TAF3: variants seen among roughly 807,000 people sequenced by gnomAD.
The protein encoded by TAF3 is TATA-box binding protein associated factor 3.
In TAF3, 7 loss-of-function variants were observed where a neutral mutation model predicts 80.6. The ratio of observed to expected loss-of-function variants is 0.09; its 90% CI spans 0.05 to 0.16. The LOEUF (loss-of-function observed/expected upper bound fraction) is 0.16. Ranked by LOEUF, TAF3 falls within the 10% of genes least tolerant of loss-of-function variation. The probability of loss-of-function intolerance (pLI) is 1.00; values close to 1 mark genes in which losing one functional copy is unlikely to be tolerated. For synonymous variants in TAF3, 444 were observed against 446.1 expected, an observed-to-expected ratio of 1.00 and a Z score of 0.06; for missense variants, 921 against 1,140.2, an observed-to-expected ratio of 0.81 and a Z score of 2.77.
chr10:7,841,878 A>AT (rs574680481), intron 2 of TAF3, among the ~76,000 whole-genome samples: 198 of 152,082 alleles, frequency 1.3e-3, no homozygotes, highest in African/African-American at 4.5e-3. Context: ...CTTTTTATTT[A>AT]TTTTTTTTAA....
Position 8,013,647 on chromosome 10 carries a change from A to G in TAF3, c.2569-84A>G, listed in dbSNP as rs533955205. Reference sequence around the variant, plus strand: ...TATGCCTGTTTATTCGGTTAACAGTATAAAGTAATCATTCTGATCTGGCCT... The same window carrying G: ...TATGCCTGTTTATTCGGTTAACAGTGTAAAGTAATCATTCTGATCTGGCCT... On this transcript the variant is annotated intron_variant, in intron 5 of 6. Coordinates refer to ENST00000344293, the MANE Select transcript of TAF3 (RefSeq NM_031923.4). 1.0e-5 allele frequency: 11 copies of G among 1,081,850 alleles called. No homozygotes were observed. In the South Asian group the frequency reaches 1.3e-4, roughly 13 times the overall value. 67.0% of individuals were successfully genotyped at this position (1,081,850 alleles called of 1,614,324 possible). A position where few individuals can be genotyped will look rare whatever the true frequency, so the allele number is the denominator to read the frequency against.
intron 2 of TAF3, among the ~76,000 whole-genome samples, chr10:7,873,888 A>T (rs953541315): frequency 2.0e-5 from 3 of 152,182 alleles, no homozygotes; most frequent in Non-Finnish European, 4.4e-5. Context: ...TTCTGTTGGC[A>T]CATTTGTATT....
At chr10:7,960,085 T>C (rs10795582) in intron 2 of TAF3, among the ~76,000 whole-genome samples, 54,252 of 152,198 alleles carry the variant, frequency 0.36, 10,832 homozygotes, top group Admixed American at 0.48. Flanking sequence ...CCCGTTATCC[T>C]GCCTAAGCCA....
In TAF3 at chr10:7,835,186, A is replaced by G. The variant is rs1836839647; in HGVS notation, c.409+10626A>G. On this transcript the variant is annotated intron_variant, in intron 2 of 6. Transcript: ENST00000344293. ...AGGATTGTCTTTGGCCACACATAAA[A>G]TACACTAACACCATCGATAGCTGCT... is the stretch of plus-strand genomic sequence containing the variant. Among the ~76,000 whole-genome samples, 3 of 152,208 alleles carry G rather than the reference A, an allele frequency of 2.0e-5. No homozygotes were observed. In the South Asian group the frequency reaches 6.2e-4, roughly 32 times the overall value.
intron 4 of TAF3, among the ~76,000 whole-genome samples, chr10:7,999,296 A>G (rs900697226): frequency 6.6e-6 from 1 of 152,128 alleles, no homozygotes; most frequent in Non-Finnish European, 1.5e-5. Context: ...CTCTTAGGAA[A>G]TTGACTGTCT....
chr10:7,870,029 A>T (rs186964410), intron 2 of TAF3, among the ~76,000 whole-genome samples: 7 of 152,258 alleles, frequency 4.6e-5, no homozygotes, highest in African/African-American at 1.4e-4. Flanking sequence ...GAGCATCTTT[A>T]AAAAAATTAG....
chr10:7,844,945 AT>A (rs1399543878), intron 2 of TAF3, among the ~76,000 whole-genome samples: 8 of 152,182 alleles, frequency 5.3e-5, no homozygotes, highest in African/African-American at 1.9e-4. Context: ...GTTGCATCAA[AT>A]ATCTTTGCAC....
intron 4 of TAF3, among the ~76,000 whole-genome samples, chr10:7,989,852 G>A (rs981143456): frequency 6.6e-6 from 1 of 152,178 alleles, no homozygotes; most frequent in Non-Finnish European, 1.5e-5. Context: ...AAAGTTTGGA[G>A]CATAATGTTC....
At chr10:7,926,269 T>A (rs571043014) in intron 2 of TAF3, among the ~76,000 whole-genome samples, 35 of 152,332 alleles carry the variant, frequency 2.3e-4, no homozygotes, top group African/African-American at 7.7e-4. Context: ...ATCAAACTTT[T>A]TTTTTATTAC....
intron 2 of TAF3, among the ~76,000 whole-genome samples, chr10:7,838,245 A>G (rs1003387043): frequency 1.3e-5 from 2 of 152,196 alleles, no homozygotes; most frequent in African/African-American, 4.8e-5. Context: ...TTGAATATAG[A>G]GAGATGAGTG....
At chr10:7,824,275 G>C (rs1377211995) in intron 1 of TAF3, 43 bp from the exon 2 acceptor site, 2 of 1,571,886 alleles carry the variant, frequency 1.3e-6, no homozygotes, top group Non-Finnish European at 1.7e-6. Flanking sequence ...TATATTCGTG[G>C]GATTTCTTCA....
intron 2 of TAF3, among the ~76,000 whole-genome samples, chr10:7,948,196 G>A (rs1838044760): frequency 6.6e-6 from 1 of 151,164 alleles, no homozygotes; most frequent in Admixed American, 6.6e-5. Context: ...CCGAGTAGCT[G>A]GGTCCACAGG....
intron 2 of TAF3, among the ~76,000 whole-genome samples, chr10:7,879,488 G>A (rs1837340284): frequency 6.6e-6 from 1 of 152,178 alleles, no homozygotes; most frequent in Non-Finnish European, 1.5e-5. Flanking sequence ...AGGAACAACA[G>A]TGAACTGTCT....
intron 4 of TAF3, among the ~76,000 whole-genome samples, chr10:7,984,562 A>G (rs1588576688): frequency 6.6e-6 from 1 of 152,150 alleles, no homozygotes; most frequent in Non-Finnish European, 1.5e-5. Flanking sequence ...AAATTGTTTT[A>G]TTTAATTTGT....
At chr10:7,912,899 G>A (rs911780318) in intron 2 of TAF3, among the ~76,000 whole-genome samples, 33 of 152,008 alleles carry the variant, frequency 2.2e-4, no homozygotes, top group East Asian at 9.6e-4. Context: ...GTTTTTTGTC[G>A]GTGTCTGCTC....
At chr10:7,919,681 A>G (rs1447869562) in intron 2 of TAF3, among the ~76,000 whole-genome samples, 1 of 152,102 alleles carries the variant, frequency 6.6e-6, no homozygotes, top group Non-Finnish European at 1.5e-5. Flanking sequence ...TATACTTTAA[A>G]TCATCTCTAG....
chr10:7,904,381 T>A (rs910121118), intron 2 of TAF3, among the ~76,000 whole-genome samples: 1 of 152,186 alleles, frequency 6.6e-6, no homozygotes, highest in African/African-American at 2.4e-5. Flanking sequence ...TTTGATGTAT[T>A]TTTTTCTTTA....
At chr10:7,878,720 TGTA>T (rs988336394) in intron 2 of TAF3, among the ~76,000 whole-genome samples, 2 of 151,656 alleles carry the variant, frequency 1.3e-5, no homozygotes, top group African/African-American at 4.8e-5. Flanking sequence ...TATGTATGTA[TGTA>T]TGTATGTATG....
intron 2 of TAF3, among the ~76,000 whole-genome samples, chr10:7,935,588 A>T (rs1178117656): frequency 6.6e-6 from 1 of 152,138 alleles, no homozygotes; most frequent in East Asian, 1.9e-4. Flanking sequence ...CGTCTCAAAT[A>T]AATAAATAAA....
Sources: allele counts gnomAD v4.1 joint callset (sites outside exome capture counted in the v4.1 genomes callset), GRCh38; gene constraint gnomAD v4.1.1; transcripts MANE v1.5; gene names NCBI Gene and HGNC (gene_info 2026-07-23, HGNC 2026-07-21).